The following ZBTB20 variants were observed in gnomAD, a reference collection of about 807,000 sequenced individuals.
ZBTB20 encodes zinc finger and BTB domain-containing protein 20.
A neutral mutation model predicts 56.9 loss-of-function variants in ZBTB20; 9 were observed. That is an observed-to-expected ratio of 0.16 (90% confidence interval 0.10 to 0.28). The LOEUF (loss-of-function observed/expected upper bound fraction) is 0.28. Ranked by LOEUF, ZBTB20 falls within the 10% of genes least tolerant of loss-of-function variation. The probability of loss-of-function intolerance (pLI) is 1.00; values close to 1 mark genes in which losing one functional copy is unlikely to be tolerated. For missense variants in ZBTB20, 655 were observed against 1,003.0 expected (o/e 0.65, Z 4.69); for synonymous variants, 417 against 420.7 (o/e 0.99, Z 0.11).
chr3:114,364,161 C>T (rs1304010795), intron 10 of ZBTB20, among the ~76,000 whole-genome samples: 1 of 151,946 alleles, frequency 6.6e-6, no homozygotes, highest in Non-Finnish European at 1.5e-5. Context: ...GTGTCAAAAC[C>T]AACAATTTGA....
intron 4 of ZBTB20, among the ~76,000 whole-genome samples, chr3:114,823,406 G>A (rs530138640): frequency 6.6e-6 from 1 of 152,138 alleles, no homozygotes; most frequent in Admixed American, 6.6e-5. Context: ...ATATGAGCCA[G>A]GGAAACTTCT....
chr3:114,810,627 C>T (rs952806663), intron 4 of ZBTB20, among the ~76,000 whole-genome samples: 9 of 152,160 alleles, frequency 5.9e-5, no homozygotes, highest in African/African-American at 2.2e-4. Context: ...TTTAATTTGG[C>T]CACTTTCACT....
intron 2 of ZBTB20, among the ~76,000 whole-genome samples, chr3:115,041,166 T>G (rs1041298278): frequency 6.6e-6 from 1 of 152,178 alleles, no homozygotes; most frequent in Non-Finnish European, 1.5e-5. Flanking sequence ...CTTGCAGAAG[T>G]TGCCATTCGT....
At chr3:114,651,588 T>C (rs1389124485) in intron 6 of ZBTB20, among the ~76,000 whole-genome samples, 1 of 144,862 alleles carries the variant, frequency 6.9e-6, no homozygotes, top group Non-Finnish European at 1.5e-5. Flanking sequence ...AACGAAAAAG[T>C]CCTGACATTC....
rs183166357 is a variant in ZBTB20, at chr3:114,833,645, C to T, written c.-416-32471G>A. 6.9e-4 allele frequency among the ~76,000 whole-genome samples: 104 copies of T among 151,728 alleles called. 1 individual carries two copies. Among genetic ancestry groups the T allele is most frequent in the African/African-American group, 2.5e-3 (102 of 41,408 alleles). On this transcript the variant is annotated intron_variant, in intron 4 of 11. Coordinates refer to ENST00000675478, the MANE Select transcript of ZBTB20 (RefSeq NM_001348800.3). ...CCTGGACTCAAGTAATCCTCCTGCC[C>T]CAGCCTTCTGAGTAGCTGGGACCAC...
rs115597080 is a variant in ZBTB20, at chr3:115,069,121, C to T, written c.-507+2098G>A. On this transcript the variant is annotated intron_variant, in intron 2 of 11. Transcript: ENST00000675478. ...GAAAGCAGGTAAAAGCTTAATTCTC[C>T]TCCAAAAAAAGCAGTTTCTAAATGT... Among the ~76,000 whole-genome samples the T allele has an allele frequency of 7.8e-3, 1,191 of 152,162 alleles. 3 individuals are homozygous for T. The highest frequency in any genetic ancestry group is 0.013 in the Non-Finnish European group (866 of 67,980).
intron 1 of ZBTB20, among the ~76,000 whole-genome samples, chr3:115,111,009 T>TAA (rs754167073): frequency 6.2e-4 from 17 of 27,566 alleles, no homozygotes; most frequent in African/African-American, 2.2e-3. Context: ...AAAATAAAAA[T>TAA]AAATAAATAA....
chr3:114,556,605 T>G (rs1285994351), intron 6 of ZBTB20, among the ~76,000 whole-genome samples: 2 of 152,174 alleles, frequency 1.3e-5, no homozygotes, highest in East Asian at 3.9e-4. Flanking sequence ...GAAAATACAC[T>G]AAGTAATGAA....
chr3:114,679,169 C>G (rs1033056898), intron 6 of ZBTB20, among the ~76,000 whole-genome samples: 1 of 152,078 alleles, frequency 6.6e-6, no homozygotes, highest in Non-Finnish European at 1.5e-5. Context: ...AGACCTAAAA[C>G]CATAAAAACC....
intron 1 of ZBTB20, among the ~76,000 whole-genome samples, chr3:115,089,058 AC>A (rs2083093016): frequency 6.6e-6 from 1 of 151,880 alleles, no homozygotes; most frequent in South Asian, 2.1e-4. Flanking sequence ...AGTGTGGCAA[AC>A]TGGTTTGTTC....
At chr3:114,712,601 C>T (rs374105609) in intron 5 of ZBTB20, among the ~76,000 whole-genome samples, 23 of 148,702 alleles carry the variant, frequency 1.5e-4, no homozygotes, top group Non-Finnish European at 3.3e-4. Flanking sequence ...TGTGGTGAGC[C>T]GAGATCGTGC....
chr3:114,498,594 T>C (rs1577107537), intron 7 of ZBTB20, among the ~76,000 whole-genome samples: 1 of 152,272 alleles, frequency 6.6e-6, no homozygotes, highest in Non-Finnish European at 1.5e-5. Context: ...CTTCAAGATT[T>C]GGAACAAGCC....
intron 6 of ZBTB20, among the ~76,000 whole-genome samples, chr3:114,571,620 G>C (rs1288993532): frequency 6.6e-6 from 1 of 152,128 alleles, no homozygotes; most frequent in African/African-American, 2.4e-5. Context: ...CAATCTTAAG[G>C]AATAATGCCA....
intron 5 of ZBTB20, among the ~76,000 whole-genome samples, chr3:114,776,403 C>T (rs570845929): frequency 6.6e-6 from 1 of 152,224 alleles, no homozygotes; most frequent in South Asian, 2.1e-4. Context: ...AAGAGGCCAA[C>T]TTAATGTGAC....
At chr3:114,428,809 T>C (rs1157280901) in intron 7 of ZBTB20, among the ~76,000 whole-genome samples, 1 of 152,186 alleles carries the variant, frequency 6.6e-6, no homozygotes, top group African/African-American at 2.4e-5. Flanking sequence ...TGGGAAGTGT[T>C]TTTTACCTTA....
rs1286845966 is a variant in ZBTB20, at chr3:114,329,719, A to AC, written c.*9285_*9286insG. ...GTTTTACTTTTTTTGGAAAAAAAAA[A>AC]AAAAAAAAAAAAAAAAAACAACTCC... On this transcript the variant is annotated 3_prime_UTR_variant, in exon 12 of 12. Coordinates refer to ENST00000675478, the MANE Select transcript of ZBTB20 (RefSeq NM_001348800.3). 9 of 140,378 alleles carry AC rather than the reference A, an allele frequency of 6.4e-5. No individual in the cohort carries two copies. In the South Asian group the frequency reaches 1.2e-3, roughly 19 times the overall value. 8.7% of individuals were successfully genotyped at this position (140,378 alleles called of 1,614,324 possible).
intron 11 of ZBTB20, among the ~76,000 whole-genome samples, chr3:114,347,077 GTTTTTTTTTTTTTTTTTT>G (rs59044965): frequency 5.6e-5 from 4 of 71,022 alleles, no homozygotes; most frequent in African/African-American, 1.9e-4. Context: ...TTCTCTTCAG[GTTTTTTTTTTTTTTTTTT>G]TTTTTTTTTT....
At chr3:114,957,161 C>G (rs1229975092) in intron 3 of ZBTB20, among the ~76,000 whole-genome samples, 2 of 152,194 alleles carry the variant, frequency 1.3e-5, no homozygotes, top group Non-Finnish European at 2.9e-5. Context: ...CTAAATCATA[C>G]TGCAGGCAAC....
chr3:114,939,682 T>C lies in ZBTB20; in HGVS notation c.-456+34684A>G, dbSNP rs2076663702. On this transcript the variant is annotated intron_variant, in intron 3 of 11. Transcript: ENST00000675478. ...ATAGAAGAGAAAACAAAGAAGACAA[T>C]AAAAATATCTGAAGAATACTGTCTT... 1.4e-5 allele frequency among the ~76,000 whole-genome samples: 2 copies of C among 145,822 alleles called. 1 individual carries two copies. Among genetic ancestry groups the C allele is most frequent in the African/African-American group, 5.6e-5 (2 of 35,636 alleles).
Sources: gnomAD v4.1 joint callset for allele counts (sites outside exome capture counted in the v4.1 genomes callset) on GRCh38, gnomAD v4.1.1 for gene constraint, MANE v1.5 for transcripts, NCBI Gene and HGNC (gene_info 2026-07-23, HGNC 2026-07-21) for gene names.